Variants in HMGCS1 observed in about 807,000 individuals in gnomAD.
The protein encoded by HMGCS1 is 3-hydroxy-3-methylglutaryl-CoA synthase 1.
Under a neutral mutation model 52.3 loss-of-function variants are expected in HMGCS1, and 9 were observed. The ratio of observed to expected loss-of-function variants is 0.17; its 90% CI spans 0.10 to 0.30. The LOEUF (loss-of-function observed/expected upper bound fraction) is 0.30, where lower values mean the gene tolerates loss of function less well. Ranked by LOEUF, HMGCS1 falls within the 10% of genes least tolerant of loss-of-function variation. HMGCS1 has a pLI of 1.00. For synonymous variants in HMGCS1, 176 were observed against 214.4 expected (o/e 0.82, Z 1.57); for missense variants, 320 against 620.9 (o/e 0.52, Z 5.15).
chr5:43,312,803 G>A lies in HMGCS1; in HGVS notation c.-70+553C>T, dbSNP rs540458771. On this transcript the variant is annotated intron_variant, in intron 1 of 10. Coordinates refer to ENST00000325110, the MANE Select transcript of HMGCS1 (RefSeq NM_001098272.3). ...CCAGGTCTAAATCACGGTTGTGAAC[G>A]CTTTCTTGCACCTGAGCTGAGGAAG... 3.3e-5 allele frequency among the ~76,000 whole-genome samples: 5 copies of A among 152,264 alleles called. No individual in the cohort carries two copies. In the South Asian group the frequency reaches 1.0e-3, roughly 32 times the overall value.
At chr5:43,301,295 C>T (rs1474312768) in intron 2 of HMGCS1, among the ~76,000 whole-genome samples, 1 of 152,084 alleles carries the variant, frequency 6.6e-6, no homozygotes, top group Admixed American at 6.5e-5. Flanking sequence ...ATTAGAATAA[C>T]TAGGTAAGGG....
intron 1 of HMGCS1, among the ~76,000 whole-genome samples, chr5:43,311,365 G>C (rs1754860787): frequency 1.3e-5 from 2 of 151,642 alleles, no homozygotes; most frequent in Non-Finnish European, 2.9e-5. Context: ...CATTAGGACA[G>C]GTAATATGTA....
At chr5:43,292,386 T>A (rs939498691) in intron 10 of HMGCS1, 88 bp downstream of exon 10, 1 of 1,091,878 alleles carries the variant, frequency 9.2e-7, no homozygotes, top group African/African-American at 1.6e-5. Context: ...GAGCCCTTAC[T>A]CTTCTTTACT....
In HMGCS1 at chr5:43,294,244, A is replaced by G. The variant is rs139206700; in HGVS notation, c.1077-82T>C. The G allele has an allele frequency of 7.7e-5, 64 of 834,008 alleles. No homozygotes were observed. In the African/African-American group the frequency reaches 9.7e-4, roughly 13 times the overall value. The allele number at this position is 834,008 out of a possible 1,614,324, so 51.7% of individuals were successfully genotyped here. ...GGGAAGCTATAAAAGTAGCAATAAA[A>G]ATTTAGGCTATAAGTAAAAGTAGAA... On this transcript the variant is annotated intron_variant, in intron 7 of 10. Transcript: ENST00000325110.
chr5:43,307,978 T>C (rs1432016800), intron 1 of HMGCS1, among the ~76,000 whole-genome samples, 154 bp from the exon 2 acceptor site: 1 of 152,228 alleles, frequency 6.6e-6, no homozygotes, highest in African/African-American at 2.4e-5. Flanking sequence ...GAAAAAATCA[T>C]ACTTAAAGCT....
intron 6 of HMGCS1, among the ~76,000 whole-genome samples, chr5:43,295,516 A>AT (rs1465050757): frequency 2.6e-5 from 4 of 152,190 alleles, no homozygotes; most frequent in Non-Finnish European, 1.5e-5. Flanking sequence ...GACAACATGA[A>AT]TGGAGCTGAA....
Position 43,298,697 on chromosome 5 carries a change from AG to A in HMGCS1, c.268del (p.Leu90TrpfsTer15). On this transcript the variant is annotated frameshift_variant, in exon 3 of 11. Transcript: ENST00000325110. LOFTEE classifies it high-confidence loss of function. This position sits in a 1 kb window ranked among gnomAD's most constrained non-coding sequence, Gnocchi z 5.6. ...NNLSYDCIGR[L>X]EVGTETIIDK... ...GATGATTGTCTCTGTTCCAACTTCC[AG>A]CCGCCCAATGCAATCATAGGAAAGG... 1 of 1,614,240 alleles carries A rather than the reference AG, an allele frequency of 6.2e-7. No homozygotes were observed. Among genetic ancestry groups the A allele is most frequent in the Non-Finnish European group, 8.5e-7 (1 of 1,180,036 alleles).
chr5:43,304,419 C>T (rs1488169189), intron 2 of HMGCS1, among the ~76,000 whole-genome samples: 1 of 152,204 alleles, frequency 6.6e-6, no homozygotes, highest in East Asian at 1.9e-4. Flanking sequence ...TATACTTGTA[C>T]TCACTAATAA....
chr5:43,295,955 A>C (rs767684635), intron 5 of HMGCS1, 38 bp from the exon 6 acceptor site: 10 of 1,505,540 alleles, frequency 6.6e-6, no homozygotes, highest in Non-Finnish European at 9.1e-6. Flanking sequence ...AAATTCATAT[A>C]AGCCATGAAA....
At chr5:43,291,727 G>A (rs1462314074) in intron 10 of HMGCS1, among the ~76,000 whole-genome samples, 1 of 152,128 alleles carries the variant, frequency 6.6e-6, no homozygotes, top group Non-Finnish European at 1.5e-5. Context: ...TAAACTTCAA[G>A]GAGGTTGTTG....
intron 1 of HMGCS1, among the ~76,000 whole-genome samples, chr5:43,309,183 T>C (rs1031790460): frequency 1.3e-5 from 2 of 152,074 alleles, no homozygotes; most frequent in Non-Finnish European, 2.9e-5. Flanking sequence ...ATCAAGGAAA[T>C]TTTCCTTGAA....
intron 5 of HMGCS1, among the ~76,000 whole-genome samples, chr5:43,296,731 C>G (rs1754047146): frequency 6.6e-6 from 1 of 152,192 alleles, no homozygotes. Flanking sequence ...CAAAATTCAA[C>G]TTACCTTCTT....
intron 5 of HMGCS1, among the ~76,000 whole-genome samples, chr5:43,296,409 C>A (rs993877090): frequency 2.6e-5 from 4 of 152,136 alleles, no homozygotes; most frequent in Admixed American, 1.3e-4. Flanking sequence ...CGACTAAATT[C>A]ACTGATATTT....
chr5:43,290,828 C>A lies in HMGCS1; in HGVS notation c.*303G>T. On this transcript the variant is annotated 3_prime_UTR_variant, in exon 11 of 11. Coordinates refer to ENST00000325110, the MANE Select transcript of HMGCS1 (RefSeq NM_001098272.3). ...GACAGAAGTACACAATTCATTATAC[C>A]ATGTTTAAAAACCAAACATCATGCA... 1 of 262,996 alleles carries A rather than the reference C, an allele frequency of 3.8e-6. No individual in the cohort carries two copies. The highest frequency in any genetic ancestry group is 7.3e-6 in the Non-Finnish European group (1 of 137,820). The allele number at this position is 262,996 out of a possible 1,614,324, so 16.3% of individuals were successfully genotyped here.
intron 2 of HMGCS1, among the ~76,000 whole-genome samples, chr5:43,302,601 T>C (rs1476973738): frequency 2.6e-5 from 4 of 152,188 alleles, no homozygotes. Context: ...TGCTTACACA[T>C]GGGAAAATAA....
At chr5:43,310,980 A>T (rs1417652588) in intron 1 of HMGCS1, among the ~76,000 whole-genome samples, 2 of 152,244 alleles carry the variant, frequency 1.3e-5, no homozygotes, top group Non-Finnish European at 2.9e-5. Context: ...CCCAGTTGAC[A>T]GACATTAAGT....
At chr5:43,303,760 C>T (rs1041971382) in intron 2 of HMGCS1, among the ~76,000 whole-genome samples, 1 of 152,098 alleles carries the variant, frequency 6.6e-6, no homozygotes, top group African/African-American at 2.4e-5. Flanking sequence ...TTTTTGTATT[C>T]AATACAGGAA....
chr5:43,309,482 C>T (rs764514677), intron 1 of HMGCS1, among the ~76,000 whole-genome samples: 3 of 152,146 alleles, frequency 2.0e-5, no homozygotes, highest in African/African-American at 7.2e-5. Flanking sequence ...TAAACCAATC[C>T]ACCCACTTTG....
At position 43,290,860 on chromosome 5, in the gene HMGCS1, T is replaced by C. The variant is rs1429683023; in HGVS notation, c.*271A>G. On this transcript the variant is annotated 3_prime_UTR_variant, in exon 11 of 11. Coordinates refer to ENST00000325110, the MANE Select transcript of HMGCS1 (RefSeq NM_001098272.3). ...AAAAACCAAACATCATGCATACAAA[T>C]GGCCAAAGAGGTATGAAGTTTTACA... 5.8e-6 allele frequency: 2 copies of C among 343,776 alleles called. No individual in the cohort carries two copies. The highest frequency in any genetic ancestry group is 8.7e-5 in the East Asian group (2 of 23,034). The allele number at this position is 343,776 out of a possible 1,614,324, so 21.3% of individuals were successfully genotyped here.
Sources: allele counts gnomAD v4.1 joint callset (sites outside exome capture counted in the v4.1 genomes callset), GRCh38; gene constraint gnomAD v4.1.1; non-coding constraint Gnocchi (gnomAD v3.1); transcripts MANE v1.5; gene names NCBI Gene and HGNC (gene_info 2026-07-23, HGNC 2026-07-21).